TPD52: variants seen among roughly 807,000 people sequenced by gnomAD.
TPD52 encodes the protein prostate and colon associated protein.
In TPD52, 17 loss-of-function variants were observed where a neutral mutation model predicts 31.3. That is an observed-to-expected ratio of 0.54 (90% CI 0.37 to 0.82). The LOEUF (loss-of-function observed/expected upper bound fraction) is 0.82. Ranked by LOEUF, TPD52 falls within the 40% of genes least tolerant of loss-of-function variation. The pLI is 0.00. For synonymous variants in TPD52, 83 were observed against 89.6 expected, an observed-to-expected ratio of 0.93 and a Z score of 0.42; for missense variants, 212 against 240.1, an observed-to-expected ratio of 0.88 and a Z score of 0.77.
At chr8:80,115,512 G>A (rs765159408) in intron 1 of TPD52, among the ~76,000 whole-genome samples, 48 of 152,138 alleles carry the variant, frequency 3.2e-4, no homozygotes, top group Non-Finnish European at 5.9e-4. Flanking sequence ...ACAGTAGAAT[G>A]TCACCTAGAG....
At chr8:80,129,537 A>T (rs187706711) in intron 1 of TPD52, among the ~76,000 whole-genome samples, 1 of 151,842 alleles carries the variant, frequency 6.6e-6, no homozygotes, top group Admixed American at 6.6e-5. Context: ...AGTGCTCATC[A>T]CTCTTCTTTG....
chr8:80,050,299 G>C, intron 5 of TPD52, 146 bp downstream of exon 5: 1 of 604,516 alleles, frequency 1.7e-6, no homozygotes. Context: ...TTGAAATTAG[G>C]AATGCACTAG....
At chr8:80,164,016 GAGAGAGAC>G (rs201828072) in intron 1 of TPD52, among the ~76,000 whole-genome samples, 18,579 of 120,014 alleles carry the variant, frequency 0.15, 1,302 homozygotes, top group South Asian at 0.3. Flanking sequence ...CTAACTGTGA[GAGAGAGAC>G]AGAGAGAGAG....
Position 80,038,333 on chromosome 8 carries a change from T to C in TPD52, c.505-98A>G, listed in dbSNP as rs1247832309. 2.4e-6 allele frequency: 3 copies of C among 1,239,932 alleles called. No homozygotes were observed. In the African/African-American group the frequency reaches 4.5e-5, roughly 19 times the overall value. 76.8% of individuals were successfully genotyped at this position (1,239,932 alleles called of 1,614,324 possible). A position where few individuals can be genotyped will look rare whatever the true frequency, so the allele number is the denominator to read the frequency against. ...TAATTCACTTTCAAGAACAAATACA[T>C]CAGCAACCTTATAGCTCAGTGATTA... On this transcript the variant is annotated intron_variant, in intron 7 of 7. Transcript: ENST00000518937.
intron 1 of TPD52, among the ~76,000 whole-genome samples, chr8:80,132,462 G>A (rs1156781892): frequency 1.3e-5 from 2 of 152,090 alleles, no homozygotes; most frequent in Non-Finnish European, 2.9e-5. Flanking sequence ...TCCACCTCAG[G>A]CTTCCAAAGG....
Position 80,072,378 on chromosome 8 carries a change from T to G in TPD52, c.20-7785A>C, listed in dbSNP as rs1326564742. ...GTGTATATACATGTACACATAGATA[T>G]GCGTGTATATACATGTACACATAGA... On this transcript the variant is annotated intron_variant, in intron 1 of 7. Transcript: ENST00000518937. 3.4e-5 allele frequency among the ~76,000 whole-genome samples: 5 copies of G among 148,852 alleles called. 1 individual carries two copies. The highest frequency in any genetic ancestry group is 1.2e-4 in the African/African-American group (5 of 40,226).
chr8:80,063,454 A>C (rs1338366044), intron 2 of TPD52, among the ~76,000 whole-genome samples: 2 of 152,152 alleles, frequency 1.3e-5, no homozygotes, highest in African/African-American at 4.8e-5. Flanking sequence ...AGGTGAAGAA[A>C]ATGTGTGGAA....
In TPD52 at chr8:80,036,560, T is replaced by C. The variant is rs753629729; in HGVS notation, c.*1556A>G. 2 of 152,612 alleles carry C rather than the reference T, an allele frequency of 1.3e-5. No individual in the cohort carries two copies. Among genetic ancestry groups the C allele is most frequent in the Non-Finnish European group, 2.9e-5 (2 of 68,030 alleles). The allele number at this position is 152,612 out of a possible 1,614,324, so 9.5% of individuals were successfully genotyped here. ...GTACAACAAGCTGTTTCCAGACCACTGGTCTCATAATAAATATTGAGACCT... is the reference window on the plus strand; with the variant it reads ...GTACAACAAGCTGTTTCCAGACCACCGGTCTCATAATAAATATTGAGACCT... On this transcript the variant is annotated 3_prime_UTR_variant, in exon 8 of 8. Coordinates refer to ENST00000518937, the MANE Select transcript of TPD52 (RefSeq NM_001025253.3).
chr8:80,052,789 C>T (rs895669769), intron 3 of TPD52: 55 of 478,234 alleles, frequency 1.2e-4, no homozygotes, highest in Non-Finnish European at 1.7e-4. Flanking sequence ...TCTGAGACTA[C>T]GACCTGAGAA....
At chr8:80,084,640 G>A (rs918850191) in intron 1 of TPD52, among the ~76,000 whole-genome samples, 2 of 152,178 alleles carry the variant, frequency 1.3e-5, no homozygotes, top group African/African-American at 4.8e-5. Flanking sequence ...CTCCACTTGT[G>A]GCTGGAGTTG....
In TPD52 at chr8:80,170,347, C is replaced by T. The variant is rs200177552; in HGVS notation, c.19+1078G>A. 1.8e-4 allele frequency among the ~76,000 whole-genome samples: 27 copies of T among 152,154 alleles called. No homozygotes were observed. The East Asian group carries it at 3.5e-3, about 20-fold the overall frequency. ...AGGAGAATCACTTGAACCAGGGAGG[C>T]AGAGGTTGCAGTGAGCTGAGATCCC... is the stretch of plus-strand genomic sequence containing the variant. On this transcript the variant is annotated intron_variant, in intron 1 of 7. Transcript: ENST00000518937.
chr8:80,151,156 C>T (rs569040979), intron 1 of TPD52, among the ~76,000 whole-genome samples: 59 of 152,266 alleles, frequency 3.9e-4, no homozygotes, highest in African/African-American at 1.3e-3. Context: ...GGAAGTTCTC[C>T]TGCATATGCT....
At chr8:80,055,011 A>G (rs1266803414) in intron 2 of TPD52, among the ~76,000 whole-genome samples, 4 of 152,250 alleles carry the variant, frequency 2.6e-5, no homozygotes, top group African/African-American at 9.6e-5. Context: ...TGTAGGAACC[A>G]GAATTCCTAT....
chr8:80,154,733 ACACACACAC>A (rs1563666284), intron 1 of TPD52, among the ~76,000 whole-genome samples: 22 of 149,802 alleles, frequency 1.5e-4, no homozygotes, highest in African/African-American at 4.6e-4. Context: ...ACACACACAC[ACACACACAC>A]ACACACACAC....
intron 1 of TPD52, among the ~76,000 whole-genome samples, chr8:80,139,055 T>C (rs1394700580): frequency 2.0e-5 from 3 of 152,088 alleles, no homozygotes; most frequent in Non-Finnish European, 2.9e-5. Flanking sequence ...GTGAGATTTC[T>C]ACAACTGACA....
chr8:80,047,483 A>G (rs1586149913), intron 5 of TPD52, among the ~76,000 whole-genome samples: 2 of 152,150 alleles, frequency 1.3e-5, no homozygotes, highest in Non-Finnish European at 2.9e-5. Context: ...CAAATTTCAC[A>G]TTGAAGCTTT....
chr8:80,085,801 AATG>A (rs1188995300), intron 1 of TPD52, among the ~76,000 whole-genome samples: 19 of 152,216 alleles, frequency 1.2e-4, no homozygotes, highest in Admixed American at 1.2e-3. Context: ...ATGATATTTA[AATG>A]ATGTTTAAAG....
chr8:80,109,148 T>C (rs947722085), intron 1 of TPD52, among the ~76,000 whole-genome samples: 4 of 152,094 alleles, frequency 2.6e-5, no homozygotes, highest in Non-Finnish European at 4.4e-5. Flanking sequence ...CTCAAGATAT[T>C]TGGGGGACCT....
intron 2 of TPD52, among the ~76,000 whole-genome samples, chr8:80,059,785 CA>C (rs1410966036): frequency 6.6e-6 from 1 of 151,890 alleles, no homozygotes; most frequent in African/African-American, 2.4e-5. Context: ...ACCTGGGAGG[CA>C]GAGGTTGCAG....
Sources: allele counts gnomAD v4.1 joint callset (sites outside exome capture counted in the v4.1 genomes callset), GRCh38; gene constraint gnomAD v4.1.1; transcripts MANE v1.5; gene names NCBI Gene and HGNC (gene_info 2026-07-23, HGNC 2026-07-21).